STK24: variants seen among roughly 807,000 people sequenced by gnomAD.
The protein encoded by STK24 is serine/threonine kinase 24.
Under a neutral mutation model 55.6 loss-of-function variants are expected in STK24, and 21 were observed. The ratio of observed to expected loss-of-function variants is 0.38; its 90% CI spans 0.27 to 0.54. STK24 has a LOEUF of 0.54. Among genes scored for constraint, STK24 ranks in the 20% least tolerant of loss-of-function variants. The pLI is 0.79. For missense variants in STK24, 383 were observed against 538.4 expected, an observed-to-expected ratio of 0.71 and a Z score of 2.86; for synonymous variants, 200 against 215.2, an observed-to-expected ratio of 0.93 and a Z score of 0.62.
At chr13:98,483,416 T>C (rs1176550079) in intron 2 of STK24, among the ~76,000 whole-genome samples, 1 of 152,138 alleles carries the variant, frequency 6.6e-6, no homozygotes, top group African/African-American at 2.4e-5. Context: ...AGAAGAAACC[T>C]TTTTTAAGGC....
rs1896176316 is a variant in STK24, at chr13:98,519,229, A to AT, written c.273+13dup. On this transcript the variant is annotated intron_variant, in intron 2 of 10. Coordinates refer to ENST00000539966, the MANE Select transcript of STK24 (RefSeq NM_001032296.4). The stretch of plus-strand genomic sequence containing the variant: ...GTGCTGCAGAACGGAGAAGCACGTT[A>AT]TTTTAAGCCTTACCTTCAGATAGGA... The AT allele has an allele frequency of 6.2e-7, 1 of 1,609,038 alleles. No individual in the cohort carries two copies. The highest frequency in any genetic ancestry group is 1.3e-5 in the African/African-American group (1 of 74,842).
At chr13:98,534,080 C>T (rs574958928) in intron 1 of STK24, among the ~76,000 whole-genome samples, 1 of 152,204 alleles carries the variant, frequency 6.6e-6, no homozygotes, top group East Asian at 1.9e-4. Context: ...CTCCTCCAAC[C>T]GCATGAGGCT....
chr13:98,466,553 G>C lies in STK24; in HGVS notation c.606C>G (p.Ile202Met), dbSNP rs755795754. The change falls in exon 6 of 11, where the codon ATC becomes ATG. Residue 202 changes from isoleucine to methionine, a missense_variant. By Grantham distance (10) the Ile-to-Met change is conservative (BLOSUM62 1). Coordinates refer to ENST00000539966, the MANE Select transcript of STK24 (RefSeq NM_001032296.4). ...CAATAGCTGTTATGCCCAGGGACCA[G>C]ATGTCTGCCTGCAACAAGAAAAGCA... ...KQSAYDSKAD[I>M]WSLGITAIEL... The C allele has an allele frequency of 1.2e-6, 2 of 1,613,472 alleles. No individual in the cohort carries two copies. Among genetic ancestry groups the C allele is most frequent in the Non-Finnish European group, 1.7e-6 (2 of 1,179,828 alleles).
intron 2 of STK24, among the ~76,000 whole-genome samples, chr13:98,518,868 G>A (rs1485183546): frequency 6.6e-6 from 1 of 152,240 alleles, no homozygotes; most frequent in Non-Finnish European, 1.5e-5. Context: ...CAGCTGGTAA[G>A]TGAGAATATC....
At chr13:98,466,665 G>C (rs776653549) in intron 5 of STK24, 104 bp from the exon 6 acceptor site, 48 of 1,283,970 alleles carry the variant, frequency 3.7e-5, no homozygotes, top group Non-Finnish European at 4.2e-5. Flanking sequence ...CTGAGGTTTT[G>C]AAAAAGGTAT....
chr13:98,513,657 C>G (rs1209928662), intron 2 of STK24, among the ~76,000 whole-genome samples: 1 of 152,070 alleles, frequency 6.6e-6, no homozygotes, highest in South Asian at 2.1e-4. Flanking sequence ...TTCTTCTGGG[C>G]CCTTTCAATT....
In STK24 at chr13:98,565,896, G is replaced by T. The variant is rs537744365; in HGVS notation, c.42+10849C>A. On this transcript the variant is annotated intron_variant, in intron 1 of 10. Transcript: ENST00000539966. ...CAGGAAGCCAGTTAAAAATAATCCA[G>T]GAACAAGTTTCCCGATCAGGAGGAG... Among the ~76,000 whole-genome samples the T allele has an allele frequency of 2.1e-4, 32 of 152,334 alleles. 2 individuals carry two copies. In the South Asian group the frequency reaches 6.2e-3, roughly 30 times the overall value.
intron 1 of STK24, among the ~76,000 whole-genome samples, chr13:98,567,766 C>T (rs1328383195): frequency 6.6e-6 from 1 of 151,102 alleles, no homozygotes; most frequent in Non-Finnish European, 1.5e-5. Flanking sequence ...CACCTATAAA[C>T]TGAAGAATAG....
chr13:98,558,345 G>A (rs1472223829), intron 1 of STK24, among the ~76,000 whole-genome samples: 1 of 152,166 alleles, frequency 6.6e-6, no homozygotes, highest in Non-Finnish European at 1.5e-5. Flanking sequence ...GAGCAATTTT[G>A]ACAGGAGGAA....
chr13:98,576,651 C>T, intron 1 of STK24, 94 bp downstream of exon 1: 2 of 1,148,066 alleles, frequency 1.7e-6, no homozygotes, highest in Non-Finnish European at 1.2e-6. Flanking sequence ...GCGACCCCGG[C>T]CGGCTGAGCG....
chr13:98,494,916 G>T (rs1943267584), intron 2 of STK24, among the ~76,000 whole-genome samples: 1 of 152,176 alleles, frequency 6.6e-6, no homozygotes, highest in Non-Finnish European at 1.5e-5. Context: ...TGCAGAGACA[G>T]CTGCTCCTCG....
intron 2 of STK24, 26 bp downstream of exon 2, chr13:98,519,217 G>A (rs752258408): frequency 4.4e-6 from 7 of 1,591,148 alleles, no homozygotes; most frequent in Non-Finnish European, 5.2e-6. Context: ...CTGCAGAACG[G>A]AGAAGCACGT....
chr13:98,565,947 G>A (rs572034399), intron 1 of STK24, among the ~76,000 whole-genome samples: 22 of 152,350 alleles, frequency 1.4e-4, no homozygotes, highest in African/African-American at 3.4e-4. Context: ...GTGCCAGCCC[G>A]GTGGGCTGAA....
intron 1 of STK24, among the ~76,000 whole-genome samples, chr13:98,566,834 G>T (rs1897586057): frequency 6.6e-6 from 1 of 152,136 alleles, no homozygotes; most frequent in Non-Finnish European, 1.5e-5. Context: ...GAAATATTTG[G>T]TACCAGGAAA....
At chr13:98,487,687 T>C (rs1894858708) in intron 2 of STK24, among the ~76,000 whole-genome samples, 1 of 152,242 alleles carries the variant, frequency 6.6e-6, no homozygotes, top group African/African-American at 2.4e-5. Flanking sequence ...AGTCCATATG[T>C]AAAGGACTTC....
At chr13:98,515,957 T>C (rs1350919020) in intron 2 of STK24, among the ~76,000 whole-genome samples, 2 of 152,210 alleles carry the variant, frequency 1.3e-5, no homozygotes, top group Non-Finnish European at 2.9e-5. Flanking sequence ...CATAGAGCAC[T>C]ATTTCCAGCT....
intron 1 of STK24, among the ~76,000 whole-genome samples, chr13:98,530,215 G>A (rs888052284): frequency 1.3e-5 from 2 of 152,124 alleles, no homozygotes; most frequent in African/African-American, 4.8e-5. Context: ...GAAAGTTTGT[G>A]TAAAGAGAAC....
At chr13:98,555,995 CTT>C (rs1306496851) in intron 1 of STK24, among the ~76,000 whole-genome samples, 1 of 152,144 alleles carries the variant, frequency 6.6e-6, no homozygotes, top group African/African-American at 2.4e-5. Flanking sequence ...GCCTCCCTGT[CTT>C]ATGTAAATGT....
intron 2 of STK24, among the ~76,000 whole-genome samples, chr13:98,485,153 G>A (rs1404353197): frequency 6.6e-6 from 1 of 152,234 alleles, no homozygotes; most frequent in Admixed American, 6.5e-5. Context: ...CCTAGACAGA[G>A]CCGACTCATC....
Sources: allele counts gnomAD v4.1 joint callset (sites outside exome capture counted in the v4.1 genomes callset), GRCh38; gene constraint gnomAD v4.1.1; transcripts MANE v1.5; gene names NCBI Gene and HGNC (gene_info 2026-07-23, HGNC 2026-07-21).